The following MAP1B variants were observed in gnomAD, a reference collection of about 807,000 sequenced individuals.
MAP1B encodes microtubule-associated protein 1B.
In MAP1B, 12 loss-of-function variants were observed where a neutral mutation model predicts 176.1. The observed-to-expected ratio is 0.07, with a 90% CI of 0.04 to 0.11. MAP1B has a LOEUF of 0.11. MAP1B is among the 10% of genes least tolerant of loss of function. The pLI is 1.00. For synonymous variants in MAP1B, 1,044 were observed against 1,135.0 expected (o/e 0.92, Z 1.61); for missense variants, 2,523 against 2,990.5 (o/e 0.84, Z 3.65).
intron 2 of MAP1B, among the ~76,000 whole-genome samples, chr5:72,120,932 T>C (rs777882502): frequency 2.0e-5 from 3 of 152,240 alleles, no homozygotes; most frequent in Non-Finnish European, 2.9e-5. Flanking sequence ...ATTTTAAATT[T>C]GTATTAAAGA....
At chr5:72,146,128 G>A (rs753663074) in intron 2 of MAP1B, among the ~76,000 whole-genome samples, 21 of 152,218 alleles carry the variant, frequency 1.4e-4, no homozygotes, top group Non-Finnish European at 2.6e-4. Context: ...CCTTTGCAAT[G>A]CCAGTTGGAA....
chr5:72,203,525 T>G (rs527514270), intron 5 of MAP1B, 38 bp from the exon 6 acceptor site: 2 of 1,469,506 alleles, frequency 1.4e-6, no homozygotes, highest in Non-Finnish European at 1.9e-6. Flanking sequence ...CTCTTCACCT[T>G]GCTATGACCT....
At chr5:72,184,765 C>G (rs533278516) in intron 3 of MAP1B, among the ~76,000 whole-genome samples, 7 of 152,314 alleles carry the variant, frequency 4.6e-5, no homozygotes, top group Non-Finnish European at 8.8e-5. Flanking sequence ...TTTGCAGCGT[C>G]CCTTCTACCC....
At chr5:72,175,809 AG>A (rs1163164330) in intron 2 of MAP1B, among the ~76,000 whole-genome samples, 1 of 152,264 alleles carries the variant, frequency 6.6e-6, no homozygotes, top group Non-Finnish European at 1.5e-5. Context: ...GGAAGTATAG[AG>A]AAAATTAGGT....
intron 2 of MAP1B, among the ~76,000 whole-genome samples, chr5:72,179,395 T>C (rs1007642335): frequency 2.0e-5 from 3 of 152,210 alleles, no homozygotes; most frequent in African/African-American, 7.2e-5. Flanking sequence ...CTGCCTTTCT[T>C]TCCTGGGAAC....
intron 4 of MAP1B, among the ~76,000 whole-genome samples, chr5:72,189,521 G>C (rs1746981085): frequency 6.6e-6 from 1 of 151,898 alleles, no homozygotes; most frequent in African/African-American, 2.4e-5. Flanking sequence ...CTTCAAACTT[G>C]TTCCTCTGTC....
Position 72,204,354 on chromosome 5 carries a change from A to G in MAP1B, c.7251+553A>G, listed in dbSNP as rs1040556196. ...ATTTATTTAATGACAGGGTCTCCCT[A>G]TGTTGCCCAGGCTGGTCTCGAACTC... On this transcript the variant is annotated intron_variant, in intron 6 of 6. Transcript: ENST00000296755. This position sits in a 1 kb window ranked among gnomAD's most constrained non-coding sequence, Gnocchi z 4.4. Among the ~76,000 whole-genome samples the G allele has an allele frequency of 3.3e-5, 5 of 152,200 alleles. No homozygotes were observed. Among genetic ancestry groups the G allele is most frequent in the Non-Finnish European group, 2.9e-5 (2 of 68,040 alleles).
Position 72,130,194 on chromosome 5 carries a change from A to C in MAP1B, c.286+14395A>C, listed in dbSNP as rs75584418. ...AAAAGAAGAAAAGTGGAAAAAAAAAAAATGAACAAACAAAAAGACGAAAGG... is the reference window on the plus strand; with the variant it reads ...AAAAGAAGAAAAGTGGAAAAAAAAACAATGAACAAACAAAAAGACGAAAGG... On this transcript the variant is annotated intron_variant, in intron 2 of 6. Coordinates refer to ENST00000296755, the MANE Select transcript of MAP1B (RefSeq NM_005909.5). Among the ~76,000 whole-genome samples the C allele has an allele frequency of 4.9e-4, 74 of 151,128 alleles. 1 individual carries two copies. Among genetic ancestry groups the C allele is most frequent in the Middle Eastern group, 3.4e-3 (1 of 294 alleles).
intron 2 of MAP1B, among the ~76,000 whole-genome samples, chr5:72,146,426 G>T (rs1384921666): frequency 6.6e-6 from 1 of 152,190 alleles, no homozygotes; most frequent in African/African-American, 2.4e-5. Context: ...TCTCTGTGAA[G>T]CCAGCCTGCG....
chr5:72,166,873 C>G (rs919389925), intron 2 of MAP1B, among the ~76,000 whole-genome samples: 2 of 152,150 alleles, frequency 1.3e-5, no homozygotes, highest in Non-Finnish European at 2.9e-5. Flanking sequence ...GGCTTCTTCC[C>G]GTTGGCAAAT....
Position 72,187,068 on chromosome 5 carries a change from GCGTTTCCT to G in MAP1B, c.510+315_510+322del, listed in dbSNP as rs1746923949. 2.6e-5 allele frequency among the ~76,000 whole-genome samples: 4 copies of G among 152,188 alleles called. No homozygotes were observed. In the South Asian group the frequency reaches 8.3e-4, roughly 31 times the overall value. ...AATGTCAGAGCCCAAAAGAAAACCT[GCGTTTCCT>G]GTTTTCTGAAATAATACTCCAAAGA... On this transcript the variant is annotated intron_variant, in intron 4 of 6. Transcript: ENST00000296755.
At chr5:72,171,504 C>T (rs927725976) in intron 2 of MAP1B, among the ~76,000 whole-genome samples, 5 of 151,866 alleles carry the variant, frequency 3.3e-5, no homozygotes, top group Non-Finnish European at 7.4e-5. Flanking sequence ...TTGGGAGGAT[C>T]ACTTGAGCCC....
chr5:72,138,591 C>G (rs1394523535), intron 2 of MAP1B, among the ~76,000 whole-genome samples: 1 of 152,228 alleles, frequency 6.6e-6, no homozygotes, highest in Non-Finnish European at 1.5e-5. Context: ...TACGTTATTT[C>G]TCTATGTGAA....
intron 5 of MAP1B, among the ~76,000 whole-genome samples, chr5:72,201,549 A>T (rs1747335059): frequency 6.6e-6 from 1 of 152,234 alleles, no homozygotes; most frequent in South Asian, 2.1e-4. Context: ...GTTGCTTCAC[A>T]TCAATCACAA....
At chr5:72,175,223 C>T (rs2112199787) in intron 2 of MAP1B, among the ~76,000 whole-genome samples, 1 of 151,948 alleles carries the variant, frequency 6.6e-6, no homozygotes, top group South Asian at 2.1e-4. Context: ...CACCACCATG[C>T]CTGACGAATT....
rs569817188 is a variant in MAP1B, at chr5:72,145,974, G to A, written c.286+30175G>A. Reference sequence around the variant, plus strand: ...AATTTGAGAGGAATCCCCCCAGGATGGCTCAAGTTGGATAAAGAGATAGGT... The same window carrying A: ...AATTTGAGAGGAATCCCCCCAGGATAGCTCAAGTTGGATAAAGAGATAGGT... On this transcript the variant is annotated intron_variant, in intron 2 of 6. Transcript: ENST00000296755. 9.2e-5 allele frequency among the ~76,000 whole-genome samples: 14 copies of A among 152,302 alleles called. No individual in the cohort carries two copies. In the South Asian group the frequency reaches 2.9e-3, roughly 32 times the overall value.
At chr5:72,127,643 A>G (rs981358669) in intron 2 of MAP1B, among the ~76,000 whole-genome samples, 1 of 152,252 alleles carries the variant, frequency 6.6e-6, no homozygotes, top group African/African-American at 2.4e-5. Context: ...GTGTGATATT[A>G]TGTGTTTACA....
At chr5:72,193,086 A>T (rs555539957) in intron 4 of MAP1B, among the ~76,000 whole-genome samples, 39 of 152,316 alleles carry the variant, frequency 2.6e-4, no homozygotes, top group African/African-American at 9.4e-4. Context: ...ACTTGGCCAA[A>T]CCACTTTAAT....
At chr5:72,158,006 A>AT (rs33987772) in intron 2 of MAP1B, among the ~76,000 whole-genome samples, 8,002 of 104,248 alleles carry the variant, frequency 0.077, 367 homozygotes, top group African/African-American at 0.099. Context: ...CACCTGGCTA[A>AT]TTTTTTTTTT....
Sources: gnomAD v4.1 joint callset for allele counts (sites outside exome capture counted in the v4.1 genomes callset) on GRCh38, gnomAD v4.1.1 for gene constraint, Gnocchi (gnomAD v3.1) non-coding constraint, MANE v1.5 for transcripts, NCBI Gene and HGNC (gene_info 2026-07-23, HGNC 2026-07-21) for gene names.